The following FAM135B variants were observed in gnomAD, a reference collection of about 807,000 sequenced individuals.
FAM135B encodes family with sequence similarity 135 member B, also known as protein FAM135B.
Under a neutral mutation model 127.7 loss-of-function variants are expected in FAM135B, and 43 were observed. The observed-to-expected ratio is 0.34, with a 90% CI of 0.26 to 0.43. FAM135B has a LOEUF of 0.43. Among genes scored for constraint, FAM135B ranks in the 20% least tolerant of loss-of-function variants. The probability of loss-of-function intolerance (pLI) is 1.00; values close to 1 mark genes in which losing one functional copy is unlikely to be tolerated. For synonymous variants in FAM135B, 670 were observed against 665.1 expected (o/e 1.01, Z -0.11); for missense variants, 1,558 against 1,725.6 (o/e 0.90, Z 1.72).
At chr8:138,219,133 C>G (rs941394548) in intron 7 of FAM135B, among the ~76,000 whole-genome samples, 2 of 152,172 alleles carry the variant, frequency 1.3e-5, no homozygotes, top group Admixed American at 1.3e-4. Flanking sequence ...ATCTTCACTA[C>G]TGTTCATAGA....
chr8:138,496,249 AGAAC>A (rs1330577493), intron 1 of FAM135B, among the ~76,000 whole-genome samples: 1 of 152,206 alleles, frequency 6.6e-6, no homozygotes, highest in Non-Finnish European at 1.5e-5. Context: ...AGCCACAGGA[AGAAC>A]GGGTCTGTGC....
At chr8:138,160,280 ATTATTGAACCTGAAGGC>A (rs772290924) in intron 12 of FAM135B, among the ~76,000 whole-genome samples, 3 of 152,114 alleles carry the variant, frequency 2.0e-5, no homozygotes, top group African/African-American at 4.8e-5. Context: ...ATTCTAACAA[ATTATTGAACCTGAAGGC>A]TTATGGAAAC....
At chr8:138,370,862 C>G (rs947480515) in intron 1 of FAM135B, among the ~76,000 whole-genome samples, 2 of 152,312 alleles carry the variant, frequency 1.3e-5, no homozygotes, top group Non-Finnish European at 2.9e-5. Flanking sequence ...CTCCCCTTCT[C>G]TTTCCATCTG....
intron 3 of FAM135B, among the ~76,000 whole-genome samples, chr8:138,268,337 G>A (rs923719874): frequency 4.6e-5 from 7 of 152,106 alleles, no homozygotes; most frequent in South Asian, 4.1e-4. Flanking sequence ...GAGATTAAGC[G>A]CCTCTGAATT....
At chr8:138,359,552 C>T (rs1219954071) in intron 2 of FAM135B, among the ~76,000 whole-genome samples, 1 of 152,158 alleles carries the variant, frequency 6.6e-6, no homozygotes, top group Admixed American at 6.6e-5. Context: ...CTTAGTCAAG[C>T]AAAGCTGAAC....
At chr8:138,487,638 GGT>G (rs202003041) in intron 1 of FAM135B, among the ~76,000 whole-genome samples, 281 of 149,256 alleles carry the variant, frequency 1.9e-3, no homozygotes, top group African/African-American at 6.7e-3. Flanking sequence ...TGTGTGTGGG[GGT>G]GGGGGCGGGG....
At chr8:138,308,750 C>G (rs1022200) in intron 3 of FAM135B, among the ~76,000 whole-genome samples, 142,091 of 152,172 alleles carry the variant, frequency 0.93, 66,581 homozygotes, top group South Asian at 0.97. Context: ...TCACAGCTGG[C>G]GCCTGCCAGC....
intron 1 of FAM135B, among the ~76,000 whole-genome samples, chr8:138,443,686 A>G (rs1835939755): frequency 6.6e-6 from 1 of 152,146 alleles, no homozygotes; most frequent in Admixed American, 6.6e-5. Context: ...GGGTGTATGG[A>G]ACCCTCCTGT....
intron 2 of FAM135B, among the ~76,000 whole-genome samples, chr8:138,319,281 A>G (rs977316138): frequency 6.6e-6 from 1 of 152,038 alleles, no homozygotes; most frequent in Non-Finnish European, 1.5e-5. Flanking sequence ...TAATTTTTGT[A>G]TTTTTAGTAG....
At chr8:138,463,498 C>T (rs1837236139) in intron 1 of FAM135B, among the ~76,000 whole-genome samples, 1 of 152,166 alleles carries the variant, frequency 6.6e-6, no homozygotes, top group Admixed American at 6.5e-5. Flanking sequence ...CCTGGAATCC[C>T]AGCTCCACCA....
intron 1 of FAM135B, among the ~76,000 whole-genome samples, chr8:138,476,517 CT>C (rs1350244258): frequency 6.6e-6 from 1 of 150,820 alleles, no homozygotes; most frequent in Admixed American, 6.6e-5. Flanking sequence ...CTGAAAACTA[CT>C]CTAAAAAATT....
intron 12 of FAM135B, among the ~76,000 whole-genome samples, chr8:138,165,216 G>T (rs546455357): frequency 1.3e-4 from 19 of 151,870 alleles, no homozygotes; most frequent in African/African-American, 4.6e-4. Flanking sequence ...TGCCTCCCAG[G>T]TTCAAGCGAT....
intron 4 of FAM135B, among the ~76,000 whole-genome samples, chr8:138,259,343 G>A (rs1822367141): frequency 6.6e-6 from 1 of 152,272 alleles, no homozygotes; most frequent in Non-Finnish European, 1.5e-5. Context: ...ACACGTGTAC[G>A]ACTCTTAGTT....
chr8:138,323,188 G>C (rs1400292845), intron 2 of FAM135B, among the ~76,000 whole-genome samples: 1 of 152,192 alleles, frequency 6.6e-6, no homozygotes, highest in Admixed American at 6.5e-5. Flanking sequence ...ATGATCCTCT[G>C]CATTTCTCTA....
At chr8:138,397,777 A>G (rs987341836) in intron 1 of FAM135B, among the ~76,000 whole-genome samples, 4 of 152,094 alleles carry the variant, frequency 2.6e-5, no homozygotes, top group Non-Finnish European at 5.9e-5. Context: ...CGTCCCTAGA[A>G]CATTTTCCTT....
intron 3 of FAM135B, among the ~76,000 whole-genome samples, chr8:138,310,279 T>C (rs980941994): frequency 1.3e-5 from 2 of 152,198 alleles, no homozygotes; most frequent in Non-Finnish European, 2.9e-5. Context: ...ATTTCTGGCA[T>C]GGTAAGTTCT....
intron 1 of FAM135B, among the ~76,000 whole-genome samples, chr8:138,457,191 G>A (rs1836834695): frequency 6.6e-6 from 1 of 152,118 alleles, no homozygotes; most frequent in Admixed American, 6.5e-5. Context: ...TGGGATGTAA[G>A]TGTGTGCCGA....
At chr8:138,200,054 G>T (rs932153540) in intron 7 of FAM135B, among the ~76,000 whole-genome samples, 2 of 152,196 alleles carry the variant, frequency 1.3e-5, no homozygotes, top group Non-Finnish European at 2.9e-5. Context: ...AGTAGTGTGA[G>T]GAATGAATGG....
At chr8:138,449,910 C>T (rs557851724) in intron 1 of FAM135B, among the ~76,000 whole-genome samples, 1 of 152,230 alleles carries the variant, frequency 6.6e-6, no homozygotes, top group East Asian at 1.9e-4. Context: ...CCTATATATA[C>T]ATAAATATTA....
Sources: allele counts gnomAD v4.1 joint callset (sites outside exome capture counted in the v4.1 genomes callset), GRCh38; gene constraint gnomAD v4.1.1; transcripts MANE v1.5; gene names NCBI Gene and HGNC (gene_info 2026-07-23, HGNC 2026-07-21).